PDSS2: variants seen among roughly 807,000 people sequenced by gnomAD.
PDSS2 encodes decaprenyl diphosphate synthase subunit 2.
Under a neutral mutation model 44.5 loss-of-function variants are expected in PDSS2, and 31 were observed. The ratio of observed to expected loss-of-function variants is 0.70; its 90% CI spans 0.52 to 0.94. The LOEUF is 0.94. PDSS2 is among the 40% of genes least tolerant of loss of function. The pLI is 0.00. For synonymous variants in PDSS2, 157 were observed against 180.3 expected (o/e 0.87, Z 1.03); for missense variants, 452 against 482.2 (o/e 0.94, Z 0.59).
chr6:107,455,884 A>C (rs1045803940), intron 1 of PDSS2, among the ~76,000 whole-genome samples: 1 of 152,008 alleles, frequency 6.6e-6, no homozygotes, highest in Non-Finnish European at 1.5e-5. Flanking sequence ...TTTAGAAAGC[A>C]TTCTAAAGAT....
chr6:107,218,968 G>C (rs1773508018), intron 4 of PDSS2, among the ~76,000 whole-genome samples: 1 of 151,248 alleles, frequency 6.6e-6, no homozygotes, highest in Non-Finnish European at 1.5e-5. Context: ...TGAGGCAGGA[G>C]AATCACTTGA....
intron 4 of PDSS2, among the ~76,000 whole-genome samples, chr6:107,242,871 G>T (rs1331382671): frequency 6.6e-6 from 1 of 152,148 alleles, no homozygotes; most frequent in Non-Finnish European, 1.5e-5. Context: ...TAAATGGTTT[G>T]GCTATTTTCA....
At chr6:107,189,926 T>TAA (rs201053158) in intron 7 of PDSS2, among the ~76,000 whole-genome samples, 2 of 149,828 alleles carry the variant, frequency 1.3e-5, no homozygotes, top group African/African-American at 4.9e-5. Context: ...AAGAAACAAA[T>TAA]AAAAAAAAAT....
intron 6 of PDSS2, among the ~76,000 whole-genome samples, chr6:107,196,995 C>T (rs1035344306): frequency 6.6e-6 from 1 of 152,176 alleles, no homozygotes; most frequent in Non-Finnish European, 1.5e-5. Context: ...AAACTCCACG[C>T]CCCTTCCCAC....
intron 3 of PDSS2, among the ~76,000 whole-genome samples, chr6:107,251,651 G>C (rs372681529): frequency 6.6e-6 from 1 of 152,268 alleles, no homozygotes; most frequent in East Asian, 1.9e-4. Context: ...ATACATCTTG[G>C]GAGGAACAAA....
intron 1 of PDSS2, among the ~76,000 whole-genome samples, chr6:107,401,424 C>T (rs1182875660): frequency 6.6e-6 from 1 of 151,306 alleles, no homozygotes; most frequent in Non-Finnish European, 1.5e-5. Flanking sequence ...AAAAAAAGTC[C>T]TACTCCAACA....
chr6:107,348,072 C>A (rs2115320621), intron 1 of PDSS2, among the ~76,000 whole-genome samples: 1 of 152,294 alleles, frequency 6.6e-6, no homozygotes, highest in East Asian at 1.9e-4. Flanking sequence ...TCGATCCCCT[C>A]CTACACCCCA....
rs566849294 is a variant in PDSS2, at chr6:107,290,425, CT to C, written c.432-16199del. On this transcript the variant is annotated intron_variant, in intron 2 of 7. Transcript: ENST00000369037. ...AAATGAAACCACCAGGTCCGTTGCT[CT>C]TCTGCTCAAAACCCTCCAGTGGTCC... Among the ~76,000 whole-genome samples the C allele has an allele frequency of 3.9e-3, 600 of 152,276 alleles. 2 individuals carry two copies. Among genetic ancestry groups the C allele is most frequent in the Non-Finnish European group, 6.6e-3 (446 of 68,022 alleles).
In PDSS2 at chr6:107,223,978, T is replaced by C. The variant is rs577439575; in HGVS notation, c.703-11696A>G. On this transcript the variant is annotated intron_variant, in intron 4 of 7. Coordinates refer to ENST00000369037, the MANE Select transcript of PDSS2 (RefSeq NM_020381.4). ...AGCTCCACCTCCTGTCAGATCAGCA[T>C]GGGCATTAGATTCTCAAAGAAGTGT... Among the ~76,000 whole-genome samples, 13 of 151,312 alleles carry C rather than the reference T, an allele frequency of 8.6e-5. No individual in the cohort carries two copies. The South Asian group carries it at 2.5e-3, about 29-fold the overall frequency.
At chr6:107,415,089 C>T (rs775667394) in intron 1 of PDSS2, among the ~76,000 whole-genome samples, 3 of 152,074 alleles carry the variant, frequency 2.0e-5, no homozygotes, top group Non-Finnish European at 4.4e-5. Context: ...CCTCCACCTC[C>T]GGGTTCAAGC....
chr6:107,315,564 C>T (rs1777173851), intron 2 of PDSS2, among the ~76,000 whole-genome samples: 1 of 152,014 alleles, frequency 6.6e-6, no homozygotes, highest in Admixed American at 6.6e-5. Flanking sequence ...TCATGTCAGA[C>T]CCTGTGATAA....
intron 7 of PDSS2, among the ~76,000 whole-genome samples, chr6:107,167,073 T>G (rs1415129775): frequency 2.0e-5 from 3 of 152,206 alleles, no homozygotes; most frequent in African/African-American, 7.2e-5. Context: ...TCCTTGTACC[T>G]CTGGTAGAAT....
At chr6:107,353,317 A>G (rs1018001854) in intron 1 of PDSS2, among the ~76,000 whole-genome samples, 1 of 152,218 alleles carries the variant, frequency 6.6e-6, no homozygotes, top group Non-Finnish European at 1.5e-5. Flanking sequence ...AATAAAGCAT[A>G]TATTTTACTT....
chr6:107,184,547 C>T (rs987287501), intron 7 of PDSS2, among the ~76,000 whole-genome samples: 1 of 152,158 alleles, frequency 6.6e-6, no homozygotes, highest in African/African-American at 2.4e-5. Context: ...TGTCTGTGGA[C>T]ATTACTGTTT....
chr6:107,233,646 T>C (rs1185677473), intron 4 of PDSS2, among the ~76,000 whole-genome samples: 1 of 151,860 alleles, frequency 6.6e-6, no homozygotes, highest in African/African-American at 2.4e-5. Context: ...ACCTTGCCTT[T>C]ACAAAAATTA....
intron 2 of PDSS2, among the ~76,000 whole-genome samples, chr6:107,327,988 A>G (rs1459715067): frequency 6.6e-6 from 1 of 152,240 alleles, no homozygotes; most frequent in East Asian, 1.9e-4. Flanking sequence ...GCGTCAGTCT[A>G]AAACACTTAT....
intron 1 of PDSS2, among the ~76,000 whole-genome samples, chr6:107,364,922 A>G (rs1222490398): frequency 2.0e-5 from 3 of 152,234 alleles, no homozygotes; most frequent in Non-Finnish European, 4.4e-5. Context: ...CAGTGAAATC[A>G]ATGATACACT....
chr6:107,228,965 T>C (rs898583037), intron 4 of PDSS2, among the ~76,000 whole-genome samples: 1 of 152,132 alleles, frequency 6.6e-6, no homozygotes, highest in African/African-American at 2.4e-5. Context: ...CATGTTTTAT[T>C]AGCTCATTAA....
chr6:107,331,791 T>C (rs542017090), intron 2 of PDSS2, among the ~76,000 whole-genome samples: 1 of 152,302 alleles, frequency 6.6e-6, no homozygotes, highest in South Asian at 2.1e-4. Flanking sequence ...GAATATTTAC[T>C]ATGTATCAAG....
Sources: allele counts gnomAD v4.1 joint callset (sites outside exome capture counted in the v4.1 genomes callset), GRCh38; gene constraint gnomAD v4.1.1; transcripts MANE v1.5; gene names NCBI Gene and HGNC (gene_info 2026-07-23, HGNC 2026-07-21).